DERA: variants seen among roughly 807,000 people sequenced by gnomAD.
The protein encoded by DERA is deoxyribose-phosphate aldolase.
In DERA, 15 loss-of-function variants were observed where a neutral mutation model predicts 41.1. That is an observed-to-expected ratio of 0.37 (90% confidence interval 0.24 to 0.56). The LOEUF (loss-of-function observed/expected upper bound fraction) is 0.56. Ranked by LOEUF, DERA falls within the 20% of genes least tolerant of loss-of-function variation. The pLI is 0.81. For synonymous variants in DERA, 139 were observed against 137.4 expected, an observed-to-expected ratio of 1.01 and a Z score of -0.08; for missense variants, 396 against 403.4, an observed-to-expected ratio of 0.98 and a Z score of 0.16.
At position 15,966,463 on chromosome 12, in the gene DERA, C is replaced by CA. The variant is rs377752176; in HGVS notation, c.508+3530dup. 0.011 allele frequency among the ~76,000 whole-genome samples: 1,157 copies of CA among 109,056 alleles called. 7 individuals carry two copies. The highest frequency in any genetic ancestry group is 0.021 in the African/African-American group (614 of 29,348). The allele number at this position is 109,056 out of a possible 152,430, so 71.5% of individuals were successfully genotyped here. A position where few individuals can be genotyped will look rare whatever the true frequency, so the allele number is the denominator to read the frequency against. On this transcript the variant is annotated intron_variant, in intron 5 of 8. Transcript: ENST00000428559. This position sits in a 1 kb window ranked among gnomAD's most constrained non-coding sequence, Gnocchi z 5.1. ...TGAGGGACAGAGTGAGATTCCCTCT[C>CA]AAAAAAAAAAAAAAGAATTCTGCAA... is the stretch of plus-strand genomic sequence containing the variant.
In DERA at chr12:16,036,603, C is replaced by A; in HGVS notation, c.901-87C>A. ...CTTTCTAATGAAATGTTCATTAAAA[C>A]TATTTATTATTATTTGATAGTATAA... On this transcript the variant is annotated intron_variant, in intron 8 of 8. Coordinates refer to ENST00000428559, the MANE Select transcript of DERA (RefSeq NM_015954.4). This position sits in a 1 kb window ranked among gnomAD's most constrained non-coding sequence, Gnocchi z 4.9. 9.0e-7 allele frequency: 1 copy of A among 1,106,532 alleles called. No individual in the cohort carries two copies. Among genetic ancestry groups the A allele is most frequent in the South Asian group, 1.5e-5 (1 of 68,786 alleles). 68.5% of individuals were successfully genotyped at this position (1,106,532 alleles called of 1,614,324 possible).
Position 15,992,493 on chromosome 12 carries a change from G to C in DERA, c.637+10057G>C, listed in dbSNP as rs1948808978. Among the ~76,000 whole-genome samples, 1 of 152,084 alleles carries C rather than the reference G, an allele frequency of 6.6e-6. No homozygotes were observed. Among genetic ancestry groups the C allele is most frequent in the African/African-American group, 2.4e-5 (1 of 41,434 alleles). On this transcript the variant is annotated intron_variant, in intron 6 of 8. Transcript: ENST00000428559. The surrounding 1 kb of genome is among the most constrained non-coding windows in gnomAD (Gnocchi z 4.3). ...AGAACCAGGGAGAACTTTTTGCTTT[G>C]GTTTTGGGGTTGAAGAAAAATTGAT...
rs61909784 is a variant in DERA at position 15,990,763 on chromosome 12, C to T, written c.637+8327C>T. Among the ~76,000 whole-genome samples the T allele has an allele frequency of 1.8e-3, 273 of 152,232 alleles. 2 individuals are homozygous for T. The highest frequency in any genetic ancestry group is 3.1e-3 in the Admixed American group (47 of 15,282). On this transcript the variant is annotated intron_variant, in intron 6 of 8. Coordinates refer to ENST00000428559, the MANE Select transcript of DERA (RefSeq NM_015954.4). This position sits in a 1 kb window ranked among gnomAD's most constrained non-coding sequence, Gnocchi z 4.3. ...TAATGGCCTCCAGCTCCATCCATGT[C>T]CCTGCAAAGGATATGATCTCATTCT...
At chr12:15,978,055 G>A (rs907948403) in intron 5 of DERA, among the ~76,000 whole-genome samples, 11 of 152,244 alleles carry the variant, frequency 7.2e-5, no homozygotes, top group Middle Eastern at 6.8e-3. Context: ...CTGCTCATTC[G>A]TTTTTCCATT....
rs1436023429 is a variant in DERA, at chr12:15,985,049, T to G, written c.637+2613T>G. ...TGTTAGATAGACAGTGTGATGAGTT[T>G]GGCAGTTTGCAAACACCTGTAACCA... On this transcript the variant is annotated intron_variant, in intron 6 of 8. Coordinates refer to ENST00000428559, the MANE Select transcript of DERA (RefSeq NM_015954.4). The surrounding 1 kb of genome is among the most constrained non-coding windows in gnomAD (Gnocchi z 4.2). 1.3e-5 allele frequency: 2 copies of G among 152,228 alleles called. No individual in the cohort carries two copies. Among genetic ancestry groups the G allele is most frequent in the African/African-American group, 4.8e-5 (2 of 41,460 alleles). The allele number at this position is 152,228 out of a possible 1,614,324, so 9.4% of individuals were successfully genotyped here.
intron 1 of DERA, among the ~76,000 whole-genome samples, chr12:15,925,342 AT>A (rs1242819862): frequency 5.3e-5 from 8 of 152,070 alleles, no homozygotes; most frequent in African/African-American, 1.4e-4. Context: ...ATGCTTAATT[AT>A]TTTTTTCTCT....
rs1388616661 is a variant in DERA, at chr12:15,935,023, A to G, written c.32-21913A>G. On this transcript the variant is annotated intron_variant, in intron 1 of 8. Coordinates refer to ENST00000428559, the MANE Select transcript of DERA (RefSeq NM_015954.4). This position sits in a 1 kb window ranked among gnomAD's most constrained non-coding sequence, Gnocchi z 4.8. ...GTCATTGGTTGACACCACTTTTTTT[A>G]TAGCAAATATTTCCAGAGCTAACAA... Among the ~76,000 whole-genome samples, 1 of 152,194 alleles carries G rather than the reference A, an allele frequency of 6.6e-6. No individual in the cohort carries two copies. The highest frequency in any genetic ancestry group is 1.9e-4 in the East Asian group (1 of 5,206).
chr12:15,941,340 C>G lies in DERA; in HGVS notation c.32-15596C>G, dbSNP rs1490493506. Among the ~76,000 whole-genome samples the G allele has an allele frequency of 6.6e-6, 1 of 151,982 alleles. No homozygotes were observed. The highest frequency in any genetic ancestry group is 6.6e-5 in the Admixed American group (1 of 15,252). ...TGTTGAATACTTCTCCTACTGCCAC[C>G]CAAGAGTAGAAGGACTTAGCCGTCT... On this transcript the variant is annotated intron_variant, in intron 1 of 8. Transcript: ENST00000428559. This position sits in a 1 kb window ranked among gnomAD's most constrained non-coding sequence, Gnocchi z 4.5.
At position 15,931,018 on chromosome 12, in the gene DERA, G is replaced by A. The variant is rs1948323804; in HGVS notation, c.31+19604G>A. On this transcript the variant is annotated intron_variant, in intron 1 of 8. Coordinates refer to ENST00000428559, the MANE Select transcript of DERA (RefSeq NM_015954.4). The surrounding 1 kb of genome is among the most constrained non-coding windows in gnomAD (Gnocchi z 4.6). ...CATTAATTGTTTCTTCTTTTTTTGA[G>A]AGCTTAATATACTTATTTAAATTTA... Among the ~76,000 whole-genome samples the A allele has an allele frequency of 6.6e-6, 1 of 152,054 alleles. No individual in the cohort carries two copies. The highest frequency in any genetic ancestry group is 2.4e-5 in the African/African-American group (1 of 41,404).
intron 1 of DERA, among the ~76,000 whole-genome samples, chr12:15,930,403 AT>A (rs1948318646): frequency 1.3e-5 from 2 of 152,178 alleles, no homozygotes; most frequent in African/African-American, 4.8e-5. Flanking sequence ...TCCTGAGGGA[AT>A]TTATCCATCC....
In DERA at chr12:15,984,705, T is replaced by A. The variant is rs1948753036; in HGVS notation, c.637+2269T>A. 6.6e-6 allele frequency among the ~76,000 whole-genome samples: 1 copy of A among 152,198 alleles called. No individual in the cohort carries two copies. Among genetic ancestry groups the A allele is most frequent in the Non-Finnish European group, 1.5e-5 (1 of 68,036 alleles). On this transcript the variant is annotated intron_variant, in intron 6 of 8. Transcript: ENST00000428559. This position sits in a 1 kb window ranked among gnomAD's most constrained non-coding sequence, Gnocchi z 4.5. ...ATTTCCCAAGGCACACACTAGATTT[T>A]ATCATGAATGAAAGACACAATCTTT...
At chr12:15,919,765 A>G (rs1948227720) in intron 1 of DERA, among the ~76,000 whole-genome samples, 1 of 152,216 alleles carries the variant, frequency 6.6e-6, no homozygotes, top group Non-Finnish European at 1.5e-5. Context: ...CCCGCAAAGC[A>G]AAGTCTAAGA....
rs1377412530 is a variant in DERA at position 16,001,990 on chromosome 12, T to TA, written c.637+19555dup. Among the ~76,000 whole-genome samples the TA allele has an allele frequency of 1.3e-5, 2 of 152,108 alleles. No homozygotes were observed. The highest frequency in any genetic ancestry group is 2.9e-5 in the Non-Finnish European group (2 of 68,014). ...TAACAGCAAGGTTATTCTTTTTTTTTATTATTATTATGCTTTAAGTTTTAG... is the reference window on the plus strand; with the variant it reads ...TAACAGCAAGGTTATTCTTTTTTTTTAATTATTATTATGCTTTAAGTTTTAG... On this transcript the variant is annotated intron_variant, in intron 6 of 8. Coordinates refer to ENST00000428559, the MANE Select transcript of DERA (RefSeq NM_015954.4). This position sits in a 1 kb window ranked among gnomAD's most constrained non-coding sequence, Gnocchi z 4.1.
chr12:15,925,225 A>G (rs2136126854), intron 1 of DERA, among the ~76,000 whole-genome samples: 2 of 150,806 alleles, frequency 1.3e-5, no homozygotes, highest in South Asian at 4.2e-4. Flanking sequence ...ATGCCTCTTG[A>G]TGTTATCTGC....
intron 1 of DERA, among the ~76,000 whole-genome samples, chr12:15,942,280 T>C (rs1948414288): frequency 6.6e-6 from 1 of 152,234 alleles, no homozygotes; most frequent in South Asian, 2.1e-4. Flanking sequence ...GTCGGATGCA[T>C]AGTTTGCGAA....
rs932819568 is a variant in DERA, at chr12:16,020,057, G to C, written c.638-12485G>C. On this transcript the variant is annotated intron_variant, in intron 6 of 8. Transcript: ENST00000428559. This position sits in a 1 kb window ranked among gnomAD's most constrained non-coding sequence, Gnocchi z 5.5. ...GACATGCCTGCTCTCTTTGCTTTCT[G>C]CTGTGATTGTAAGCCTCCCAGGAGC... is the stretch of plus-strand genomic sequence containing the variant. 6.6e-6 allele frequency among the ~76,000 whole-genome samples: 1 copy of C among 152,114 alleles called. No individual in the cohort carries two copies. The highest frequency in any genetic ancestry group is 6.5e-5 in the Admixed American group (1 of 15,274).
rs1948937258 is a variant in DERA, at chr12:16,010,050, G to T, written c.638-22492G>T. Among the ~76,000 whole-genome samples the T allele has an allele frequency of 6.6e-6, 1 of 152,150 alleles. No individual in the cohort carries two copies. The highest frequency in any genetic ancestry group is 1.5e-5 in the Non-Finnish European group (1 of 68,034). On this transcript the variant is annotated intron_variant, in intron 6 of 8. Coordinates refer to ENST00000428559, the MANE Select transcript of DERA (RefSeq NM_015954.4). The surrounding 1 kb of genome is among the most constrained non-coding windows in gnomAD (Gnocchi z 5.5). ...AGTGTGCAGTATAACCTATTCATCTGAAATATACATGATTACTGTATGGTT... is the reference window on the plus strand; with the variant it reads ...AGTGTGCAGTATAACCTATTCATCTTAAATATACATGATTACTGTATGGTT...
chr12:15,963,097 T>G (rs1225173627), intron 5 of DERA, 150 bp downstream of exon 5: 2 of 1,151,896 alleles, frequency 1.7e-6, no homozygotes, highest in East Asian at 5.5e-5. Context: ...AGGCTAAGAT[T>G]ACCCATCCTT....
rs78769517 is a variant in DERA at position 15,943,492 on chromosome 12, A to T, written c.32-13444A>T. The stretch of plus-strand genomic sequence containing the variant: ...AAGACTTCCCATCTCACATGGGAAA[A>T]CCTTTCTGTGCTGAAAAAAGTTCTC... On this transcript the variant is annotated intron_variant, in intron 1 of 8. Coordinates refer to ENST00000428559, the MANE Select transcript of DERA (RefSeq NM_015954.4). The surrounding 1 kb of genome is among the most constrained non-coding windows in gnomAD (Gnocchi z 4.5). 0.013 allele frequency among the ~76,000 whole-genome samples: 1,929 copies of T among 152,140 alleles called. 52 individuals carry two copies. Among genetic ancestry groups the T allele is most frequent in the African/African-American group, 0.045 (1,869 of 41,504 alleles).
Sources: gnomAD v4.1 joint callset for allele counts (sites outside exome capture counted in the v4.1 genomes callset) on GRCh38, gnomAD v4.1.1 for gene constraint, Gnocchi (gnomAD v3.1) non-coding constraint, MANE v1.5 for transcripts, NCBI Gene and HGNC (gene_info 2026-07-23, HGNC 2026-07-21) for gene names.